PLCE1: variants seen among roughly 807,000 people sequenced by gnomAD.
PLCE1 encodes the protein 1-phosphatidylinositol 4,5-bisphosphate phosphodiesterase epsilon-1.
In PLCE1, 119 loss-of-function variants were observed where a neutral mutation model predicts 242.8. The ratio of observed to expected loss-of-function variants is 0.49; its 90% CI spans 0.42 to 0.57. The LOEUF (loss-of-function observed/expected upper bound fraction) is 0.57. PLCE1 is among the 20% of genes least tolerant of loss of function. The pLI is 0.00. For synonymous variants in PLCE1, 945 were observed against 1,017.4 expected (o/e 0.93, Z 1.35); for missense variants, 2,441 against 2,788.8 (o/e 0.88, Z 2.81).
intron 4 of PLCE1, among the ~76,000 whole-genome samples, chr10:94,225,764 G>A (rs529752742): frequency 4.1e-4 from 62 of 152,204 alleles, no homozygotes; most frequent in Non-Finnish European, 7.2e-4. Flanking sequence ...ATAGATTCTC[G>A]ATCTGGAAAA....
At chr10:94,125,621 C>G (rs2046416368) in intron 2 of PLCE1, among the ~76,000 whole-genome samples, 1 of 152,148 alleles carries the variant, frequency 6.6e-6, no homozygotes, top group Non-Finnish European at 1.5e-5. Flanking sequence ...TCACATCTCA[C>G]TACTCAGGGC....
chr10:94,126,533 T>C (rs1332626438), intron 2 of PLCE1, among the ~76,000 whole-genome samples: 1 of 152,256 alleles, frequency 6.6e-6, no homozygotes, highest in Non-Finnish European at 1.5e-5. Flanking sequence ...ACAGTGTATG[T>C]GCTCAGTAAA....
chr10:94,265,358 C>T (rs1205108874), intron 14 of PLCE1, among the ~76,000 whole-genome samples: 1 of 152,222 alleles, frequency 6.6e-6, no homozygotes, highest in Non-Finnish European at 1.5e-5. Flanking sequence ...TCCCCATTTT[C>T]ACCTGGATAA....
At chr10:94,147,484 G>GA (rs2047151222) in intron 3 of PLCE1, among the ~76,000 whole-genome samples, 1 of 149,960 alleles carries the variant, frequency 6.7e-6, no homozygotes, top group South Asian at 2.1e-4. Flanking sequence ...GGAGAGAAAG[G>GA]AAGAAAGAAA....
chr10:94,110,146 T>C (rs12263069), intron 2 of PLCE1, among the ~76,000 whole-genome samples: 1 of 128,634 alleles, frequency 7.8e-6, no homozygotes, highest in Non-Finnish European at 1.6e-5. Flanking sequence ...CACTGCAAGG[T>C]CCACCTCCTG....
chr10:94,264,132 GA>G (rs1283108356), intron 14 of PLCE1, among the ~76,000 whole-genome samples: 1 of 152,156 alleles, frequency 6.6e-6, no homozygotes, highest in African/African-American at 2.4e-5. Flanking sequence ...TGGGGTAGGG[GA>G]AAAACTGAGT....
chr10:94,264,586 A>C (rs2051443825), intron 14 of PLCE1, among the ~76,000 whole-genome samples: 1 of 128,752 alleles, frequency 7.8e-6, no homozygotes, highest in Non-Finnish European at 1.5e-5. Flanking sequence ...CAGTGGCGCG[A>C]TCTTTGTTCA....
intron 23 of PLCE1, 72 bp downstream of exon 23, chr10:94,293,711 G>A (rs560116158): frequency 2.0e-6 from 3 of 1,515,582 alleles, no homozygotes; most frequent in Admixed American, 1.7e-5. Flanking sequence ...TACTGTCTAA[G>A]CACTTCCCTT....
intron 6 of PLCE1, 31 bp downstream of exon 6, chr10:94,234,343 A>G (rs1277601995): frequency 1.9e-6 from 3 of 1,610,762 alleles, no homozygotes; most frequent in Non-Finnish European, 1.7e-6. Context: ...CGTGGCCTGA[A>G]GAGCCACTGT....
chr10:94,035,761 A>G (rs1038979901), intron 2 of PLCE1, among the ~76,000 whole-genome samples: 2 of 152,140 alleles, frequency 1.3e-5, no homozygotes, highest in Admixed American at 1.3e-4. Context: ...TTTTTAGTTT[A>G]GAATCTGGTA....
rs1291653376 is a variant in PLCE1, at chr10:94,329,799, A to AAC, written c.*1857_*1858insCA. 10 of 148,390 alleles carry AAC rather than the reference A, an allele frequency of 6.7e-5. No homozygotes were observed. Among genetic ancestry groups the AAC allele is most frequent in the Non-Finnish European group, 1.2e-4 (8 of 66,920 alleles). 9.2% of individuals were successfully genotyped at this position (148,390 alleles called of 1,614,324 possible). A position where few individuals can be genotyped will look rare whatever the true frequency, so the allele number is the denominator to read the frequency against. Reference sequence around the variant, plus strand: ...CTCAAAAAAAAAAAAAAAAAAAAAAAAAAAAAAAAAAACACCATACAGCTT... The same window carrying AAC: ...CTCAAAAAAAAAAAAAAAAAAAAAAAACAAAAAAAAAAAACACCATACAGCTT... On this transcript the variant is annotated 3_prime_UTR_variant, in exon 33 of 33. Coordinates refer to ENST00000371380, the MANE Select transcript of PLCE1 (RefSeq NM_016341.4).
chr10:94,294,204 C>T (rs559878531), intron 23 of PLCE1, among the ~76,000 whole-genome samples: 99 of 152,310 alleles, frequency 6.5e-4, no homozygotes, highest in African/African-American at 2.3e-3. Context: ...CACCTTGGAA[C>T]ATTCTTGGAA....
At chr10:94,304,442 T>C in intron 24 of PLCE1, 40 bp from the exon 25 acceptor site, 1 of 1,582,610 alleles carries the variant, frequency 6.3e-7, no homozygotes, top group Non-Finnish European at 8.7e-7. Context: ...AGCGACAAAG[T>C]AACAAGCTAT....
intron 2 of PLCE1, among the ~76,000 whole-genome samples, chr10:94,112,562 A>T (rs997517297): frequency 1.3e-5 from 2 of 152,252 alleles, no homozygotes; most frequent in Non-Finnish European, 2.9e-5. Flanking sequence ...CCATTGGAAC[A>T]AGAGTTCCCA....
chr10:94,166,966 T>C (rs2047824814), intron 3 of PLCE1, among the ~76,000 whole-genome samples: 1 of 151,866 alleles, frequency 6.6e-6, no homozygotes, highest in Non-Finnish European at 1.5e-5. Context: ...TGCAGAAAAA[T>C]ATGAGACAAT....
chr10:94,060,983 G>A (rs761403422), intron 2 of PLCE1, among the ~76,000 whole-genome samples: 9 of 152,080 alleles, frequency 5.9e-5, no homozygotes, highest in Non-Finnish European at 1.3e-4. Context: ...ACAGGTGTGA[G>A]CCACCACGCC....
At chr10:94,095,326 T>TTC (rs10641630) in intron 2 of PLCE1, among the ~76,000 whole-genome samples, 59,599 of 151,416 alleles carry the variant, frequency 0.39, 14,552 homozygotes, top group African/African-American at 0.7. Context: ...TTCAATTTCT[T>TTC]TCTTTCTTTC....
At chr10:94,250,725 A>T (rs1274792867) in intron 8 of PLCE1, among the ~76,000 whole-genome samples, 2 of 152,222 alleles carry the variant, frequency 1.3e-5, no homozygotes, top group African/African-American at 4.8e-5. Context: ...TCAAAGCAGT[A>T]TAGGTTAATG....
At chr10:94,153,973 A>G (rs1354800085) in intron 3 of PLCE1, among the ~76,000 whole-genome samples, 3 of 152,252 alleles carry the variant, frequency 2.0e-5, no homozygotes, top group Non-Finnish European at 2.9e-5. Flanking sequence ...TAGATTAAGT[A>G]CAATCTCTAT....
Sources: gnomAD v4.1 joint callset for allele counts (sites outside exome capture counted in the v4.1 genomes callset) on GRCh38, gnomAD v4.1.1 for gene constraint, MANE v1.5 for transcripts, NCBI Gene and HGNC (gene_info 2026-07-23, HGNC 2026-07-21) for gene names.